The following SPATS2 variants were observed in gnomAD, a reference collection of about 807,000 sequenced individuals.
SPATS2 encodes the protein spermatogenesis-associated serine-rich protein 2.
Under a neutral mutation model 63.7 loss-of-function variants are expected in SPATS2, and 38 were observed. The observed-to-expected ratio is 0.60, with a 90% CI of 0.46 to 0.78. The LOEUF (loss-of-function observed/expected upper bound fraction) is 0.78. SPATS2 is among the 30% of genes least tolerant of loss of function. The pLI, the probability that SPATS2 is intolerant of heterozygous loss-of-function variation, is 0.00. For synonymous variants in SPATS2, 207 were observed against 232.9 expected (o/e 0.89, Z 1.01); for missense variants, 588 against 666.2 (o/e 0.88, Z 1.29).
intron 2 of SPATS2, among the ~76,000 whole-genome samples, chr12:49,453,034 C>T (rs1177675728): frequency 6.6e-6 from 1 of 151,964 alleles, no homozygotes; most frequent in East Asian, 1.9e-4. Flanking sequence ...TGGCGGGCGC[C>T]TGTAGTCCCA....
chr12:49,413,281 G>T (rs1398492638), intron 2 of SPATS2, among the ~76,000 whole-genome samples: 2 of 152,060 alleles, frequency 1.3e-5, no homozygotes, highest in Non-Finnish European at 2.9e-5. Context: ...AATAGGCAGG[G>T]GATGGAACAG....
At position 49,524,912 on chromosome 12, in the gene SPATS2, C is replaced by T. The variant is rs747030632; in HGVS notation, c.1326+16C>T. ...ACTTCGGGAGGTAACCTAGCTTCTA[C>T]ACTGAGCATGTTAGGAAGAAAACCC... is the stretch of plus-strand genomic sequence containing the variant. On this transcript the variant is annotated intron_variant, in intron 13 of 13. Transcript: ENST00000552918. 2 of 1,610,998 alleles carry T rather than the reference C, an allele frequency of 1.2e-6. No homozygotes were observed. Among genetic ancestry groups the T allele is most frequent in the Non-Finnish European group, 8.5e-7 (1 of 1,178,528 alleles).
intron 2 of SPATS2, among the ~76,000 whole-genome samples, chr12:49,442,041 C>G (rs1022946821): frequency 4.6e-5 from 7 of 152,072 alleles, no homozygotes; most frequent in African/African-American, 7.2e-5. Flanking sequence ...TTAAAATGTT[C>G]AAGAATTGAA....
chr12:49,368,272 T>A (rs1943938106), intron 1 of SPATS2, among the ~76,000 whole-genome samples: 1 of 152,246 alleles, frequency 6.6e-6, no homozygotes, highest in African/African-American at 2.4e-5. Flanking sequence ...GTTCTTTAAA[T>A]AATTTGATTA....
In SPATS2 at chr12:49,408,552, CT is replaced by C. The variant is rs772842153; in HGVS notation, c.-244+37283del. Among the ~76,000 whole-genome samples the C allele has an allele frequency of 5.5e-3, 636 of 116,072 alleles. 4 individuals are homozygous for C. The highest frequency in any genetic ancestry group is 0.018 in the African/African-American group (542 of 29,784). 76.1% of individuals were successfully genotyped at this position (116,072 alleles called of 152,430 possible). A position where few individuals can be genotyped will look rare whatever the true frequency, so the allele number is the denominator to read the frequency against. On this transcript the variant is annotated intron_variant, in intron 2 of 13. Transcript: ENST00000552918. ...ACAGGCTTGAGCCACTGTGCCTGGC[CT>C]TTTTTTTTTTTTTTTTTTTTGAGAC... is the stretch of plus-strand genomic sequence containing the variant.
At chr12:49,444,660 A>G (rs927027670) in intron 2 of SPATS2, among the ~76,000 whole-genome samples, 2 of 151,898 alleles carry the variant, frequency 1.3e-5, no homozygotes, top group Admixed American at 6.6e-5. Flanking sequence ...CTGGAGTGCA[A>G]TGGTGTGATC....
At position 49,489,563 on chromosome 12, in the gene SPATS2, A is replaced by G. The variant is rs185361091; in HGVS notation, c.204A>G (p.Ala68=). The G allele has an allele frequency of 1.9e-6, 3 of 1,611,200 alleles. No homozygotes were observed. The change falls in exon 5 of 14, where the codon GCA becomes GCG. Residue 68 remains alanine (A), a synonymous_variant. Coordinates refer to ENST00000552918, the MANE Select transcript of SPATS2 (RefSeq NM_023071.4). Reference sequence around the variant, plus strand: ...ACTGTGTGGACAAAACAGTACAAGCATTCATGGAAGGTAATCCTGACTTAA... The same window carrying G: ...ACTGTGTGGACAAAACAGTACAAGCGTTCATGGAAGGTAATCCTGACTTAA... ...FDNCVDKTVQ[A]FMEGSASEVL...
intron 2 of SPATS2, among the ~76,000 whole-genome samples, chr12:49,412,710 T>G (rs144040675): frequency 2.0e-3 from 304 of 151,026 alleles, no homozygotes; most frequent in African/African-American, 6.8e-3. Flanking sequence ...CACAACACAC[T>G]GTACTACTAC....
At chr12:49,498,141 A>ATATATATATATATAT (rs1555191148) in intron 8 of SPATS2, among the ~76,000 whole-genome samples, 7 of 74,356 alleles carry the variant, frequency 9.4e-5, no homozygotes, top group African/African-American at 5.5e-4. Flanking sequence ...CCAAAAAAAA[A>ATATATATATATATAT]AAAAATATAT....
intron 1 of SPATS2, among the ~76,000 whole-genome samples, chr12:49,368,765 G>C (rs1943947887): frequency 6.6e-6 from 1 of 152,040 alleles, no homozygotes; most frequent in Non-Finnish European, 1.5e-5. Flanking sequence ...GAAAATTGCC[G>C]ATTTTGAAAT....
chr12:49,525,627 A>G (rs571853336), intron 13 of SPATS2, among the ~76,000 whole-genome samples: 117 of 152,310 alleles, frequency 7.7e-4, no homozygotes, highest in Middle Eastern at 3.4e-3. Flanking sequence ...CAGACATAAT[A>G]TAATATACTT....
chr12:49,372,940 TTGTGTGTGTGTGTGTG>T (rs56940721), intron 2 of SPATS2, among the ~76,000 whole-genome samples: 149 of 130,134 alleles, frequency 1.1e-3, no homozygotes, highest in East Asian at 5.1e-3. Flanking sequence ...ATTTTCTGTT[TTGTGTGTGTGTGTGTG>T]TGTGTGTGTG....
chr12:49,469,251 G>A (rs1054833805), intron 3 of SPATS2, among the ~76,000 whole-genome samples: 14 of 151,296 alleles, frequency 9.3e-5, no homozygotes, highest in Middle Eastern at 3.4e-3. Context: ...TTAGCTGGGC[G>A]TGGTGGCAGG....
chr12:49,434,627 TC>T (rs1226120781), intron 2 of SPATS2, among the ~76,000 whole-genome samples: 1 of 152,222 alleles, frequency 6.6e-6, no homozygotes, highest in African/African-American at 2.4e-5. Context: ...ATGTCTGTTC[TC>T]TCATTTCTAT....
intron 2 of SPATS2, among the ~76,000 whole-genome samples, chr12:49,377,679 T>C (rs1157162434): frequency 6.6e-6 from 1 of 152,204 alleles, no homozygotes; most frequent in African/African-American, 2.4e-5. Context: ...ATTGATAGTA[T>C]AGTTATAATA....
intron 6 of SPATS2, among the ~76,000 whole-genome samples, chr12:49,494,332 T>C (rs1946430638): frequency 1.3e-5 from 2 of 152,224 alleles, no homozygotes; most frequent in African/African-American, 4.8e-5. Context: ...ATATCTCTTA[T>C]TAGACTGAGG....
intron 2 of SPATS2, among the ~76,000 whole-genome samples, chr12:49,452,971 C>T (rs1035432394): frequency 6.6e-6 from 1 of 151,824 alleles, no homozygotes; most frequent in Non-Finnish European, 1.5e-5. Context: ...TCCTGGCTAA[C>T]ACGGTGAAAC....
chr12:49,462,391 T>G, intron 3 of SPATS2: 1 of 702,398 alleles, frequency 1.4e-6, no homozygotes, highest in Non-Finnish European at 2.6e-6. Flanking sequence ...GCATCCAGGC[T>G]GTGGGGTGCC....
chr12:49,521,427 T>G (rs377515218), intron 11 of SPATS2, among the ~76,000 whole-genome samples: 2 of 152,200 alleles, frequency 1.3e-5, no homozygotes. Context: ...TGTTTTCTGT[T>G]TAACTAAAAC....
Sources: allele counts gnomAD v4.1 joint callset (sites outside exome capture counted in the v4.1 genomes callset), GRCh38; gene constraint gnomAD v4.1.1; transcripts MANE v1.5; gene names NCBI Gene and HGNC (gene_info 2026-07-23, HGNC 2026-07-21).